Variants in SSBP2 observed in about 807,000 individuals in gnomAD.
The protein encoded by SSBP2 is single-stranded DNA-binding protein 2.
Under a neutral mutation model 61.8 loss-of-function variants are expected in SSBP2, and 17 were observed. The ratio of observed to expected loss-of-function variants is 0.28; its 90% confidence interval spans 0.19 to 0.41. The LOEUF (loss-of-function observed/expected upper bound fraction) is 0.41. Ranked by LOEUF, SSBP2 falls within the 10% of genes least tolerant of loss-of-function variation. The probability of loss-of-function intolerance (pLI) is 1.00; values close to 1 mark genes in which losing one functional copy is unlikely to be tolerated. For synonymous variants in SSBP2, 139 were observed against 141.3 expected (o/e 0.98, Z 0.12); for missense variants, 310 against 458.7 (o/e 0.68, Z 2.96).
intron 15 of SSBP2, among the ~76,000 whole-genome samples, chr5:81,432,900 T>A (rs1397935113): frequency 1.7e-4 from 23 of 133,722 alleles, no homozygotes; most frequent in Non-Finnish European, 3.0e-4. Flanking sequence ...GGAGCCCCTC[T>A]GCCCGGCCAG....
At chr5:81,669,969 TAG>T (rs34039360) in intron 1 of SSBP2, among the ~76,000 whole-genome samples, 42,153 of 151,862 alleles carry the variant, frequency 0.28, 7,247 homozygotes, top group Middle Eastern at 0.53. Context: ...GGCAGAAGTA[TAG>T]AGAGACAGTA....
At chr5:81,591,494 A>C (rs1775499610) in intron 4 of SSBP2, among the ~76,000 whole-genome samples, 1 of 152,238 alleles carries the variant, frequency 6.6e-6, no homozygotes, top group Non-Finnish European at 1.5e-5. Flanking sequence ...ATCAGATAGG[A>C]AGCTTAAAAT....
chr5:81,690,785 A>G lies in SSBP2; in HGVS notation c.63-40446T>C, dbSNP rs184934067. Reference sequence around the variant, plus strand: ...GCAGAATACACATTCTTCTCCCCACATGGATCATTCAAAACAGACCATATG... The same window carrying G: ...GCAGAATACACATTCTTCTCCCCACGTGGATCATTCAAAACAGACCATATG... On this transcript the variant is annotated intron_variant, in intron 1 of 16. Transcript: ENST00000320672. Among the ~76,000 whole-genome samples, 349 of 152,210 alleles carry G rather than the reference A, an allele frequency of 2.3e-3. 5 individuals are homozygous for G. The highest frequency in any genetic ancestry group is 1.9e-3 in the Non-Finnish European group (132 of 67,920).
chr5:81,558,135 T>C (rs1289969222), intron 4 of SSBP2, among the ~76,000 whole-genome samples: 2 of 152,198 alleles, frequency 1.3e-5, no homozygotes, highest in African/African-American at 2.4e-5. Context: ...TTCTGCCATA[T>C]ACTGTTACAG....
intron 5 of SSBP2, among the ~76,000 whole-genome samples, chr5:81,490,270 G>C (rs1003319050): frequency 2.0e-5 from 3 of 151,758 alleles, no homozygotes; most frequent in African/African-American, 7.3e-5. Flanking sequence ...GTTTAGGTAA[G>C]GTAAAAAGAG....
chr5:81,736,143 AACACACACACAC>A (rs58588638), intron 1 of SSBP2, among the ~76,000 whole-genome samples: 2 of 75,428 alleles, frequency 2.7e-5, no homozygotes, highest in Non-Finnish European at 3.6e-5. Context: ...ACTACCCTGA[AACACACACACAC>A]ACACACACAC....
intron 4 of SSBP2, among the ~76,000 whole-genome samples, chr5:81,536,117 A>C (rs1341284389): frequency 1.3e-5 from 2 of 152,162 alleles, no homozygotes; most frequent in East Asian, 3.9e-4. Context: ...ACAGATGGCA[A>C]ATGAGCATAT....
chr5:81,473,065 C>A (rs533880299), intron 8 of SSBP2, among the ~76,000 whole-genome samples: 1 of 152,164 alleles, frequency 6.6e-6, no homozygotes, highest in South Asian at 2.1e-4. Flanking sequence ...GTTGTTATAC[C>A]GATTTGGCAT....
intron 3 of SSBP2, among the ~76,000 whole-genome samples, chr5:81,623,933 TG>T (rs1166039766): frequency 2.0e-5 from 3 of 152,176 alleles, no homozygotes; most frequent in African/African-American, 7.2e-5. Flanking sequence ...AATCCTGTAT[TG>T]CTTATACATG....
At chr5:81,659,115 A>G (rs1029516066) in intron 1 of SSBP2, among the ~76,000 whole-genome samples, 1 of 152,216 alleles carries the variant, frequency 6.6e-6, no homozygotes, top group African/African-American at 2.4e-5. Flanking sequence ...CAAGACAAGG[A>G]TGCCCTCTCT....
At chr5:81,711,354 C>G (rs1581398792) in intron 1 of SSBP2, among the ~76,000 whole-genome samples, 1 of 152,136 alleles carries the variant, frequency 6.6e-6, no homozygotes, top group East Asian at 1.9e-4. Context: ...AATTCACCTT[C>G]AAAATAATTA....
chr5:81,746,867 A>G (rs1051591533), intron 1 of SSBP2, among the ~76,000 whole-genome samples: 1 of 152,268 alleles, frequency 6.6e-6, no homozygotes, highest in Admixed American at 6.5e-5. Flanking sequence ...AGTTTAATAA[A>G]AAATTAATAT....
intron 1 of SSBP2, among the ~76,000 whole-genome samples, chr5:81,692,173 A>G (rs1037206519): frequency 1.1e-4 from 16 of 152,234 alleles, no homozygotes; most frequent in Non-Finnish European, 1.8e-4. Flanking sequence ...GCAGGAAGCA[A>G]AACCAACATA....
chr5:81,513,643 T>C lies in SSBP2; in HGVS notation c.357A>G (p.Pro119=), dbSNP rs2154083696. The stretch of plus-strand genomic sequence containing the variant: ...CTCTGAGTACCTGAAAGAACCCTGG[T>C]GGTACAGGACCTACTGGCATGCCAT... Residue 119 remains proline, a synonymous_variant, in exon 5 of 17, where the codon CCA becomes CCG. Coordinates refer to ENST00000320672, the MANE Select transcript of SSBP2 (RefSeq NM_012446.5). 1 of 1,610,850 alleles carries C rather than the reference T, an allele frequency of 6.2e-7. No homozygotes were observed. Among genetic ancestry groups the C allele is most frequent in the Middle Eastern group, 1.7e-4 (1 of 6,046 alleles).
intron 8 of SSBP2, among the ~76,000 whole-genome samples, chr5:81,473,312 T>C (rs1317312499): frequency 6.6e-6 from 1 of 152,184 alleles, no homozygotes; most frequent in East Asian, 1.9e-4. Flanking sequence ...CATAGGTATA[T>C]GTACGCCATG....
At chr5:81,676,234 C>G (rs1243392010) in intron 1 of SSBP2, among the ~76,000 whole-genome samples, 2 of 152,160 alleles carry the variant, frequency 1.3e-5, no homozygotes, top group Non-Finnish European at 2.9e-5. Flanking sequence ...GTCTATGGCT[C>G]ATAACCATCT....
intron 2 of SSBP2, 74 bp from the exon 3 acceptor site, chr5:81,636,692 C>A (rs1040374096): frequency 1.3e-5 from 15 of 1,125,748 alleles, no homozygotes; most frequent in Non-Finnish European, 1.8e-5. Flanking sequence ...AATAATATCC[C>A]CATTTAAAAT....
At chr5:81,557,296 T>G (rs1449217212) in intron 4 of SSBP2, among the ~76,000 whole-genome samples, 4 of 152,184 alleles carry the variant, frequency 2.6e-5, no homozygotes, top group African/African-American at 7.2e-5. Flanking sequence ...TTTGAACAAT[T>G]TGATTATCAC....
chr5:81,632,845 T>C (rs1428282298), intron 3 of SSBP2, among the ~76,000 whole-genome samples: 2 of 152,232 alleles, frequency 1.3e-5, no homozygotes, highest in African/African-American at 2.4e-5. Flanking sequence ...GAGTTGACTA[T>C]ATACCATTTC....
Sources: allele counts gnomAD v4.1 joint callset (sites outside exome capture counted in the v4.1 genomes callset), GRCh38; gene constraint gnomAD v4.1.1; transcripts MANE v1.5; gene names NCBI Gene and HGNC (gene_info 2026-07-23, HGNC 2026-07-21).